Variants in GALNT13 observed in about 807,000 individuals in gnomAD.
GALNT13 encodes polypeptide N-acetylgalactosaminyltransferase 13.
GALNT13 carries 28 observed loss-of-function variants against 64.2 expected under a neutral mutation model. That is an observed-to-expected ratio of 0.44 (90% CI 0.32 to 0.60). The LOEUF (loss-of-function observed/expected upper bound fraction) is 0.60, where lower values mean the gene tolerates loss of function less well. Ranked by LOEUF, GALNT13 falls within the 20% of genes least tolerant of loss-of-function variation. The pLI, the probability that GALNT13 is intolerant of heterozygous loss-of-function variation, is 0.05. For missense variants in GALNT13, 577 were observed against 669.8 expected, an observed-to-expected ratio of 0.86 and a Z score of 1.53; for synonymous variants, 214 against 224.6, an observed-to-expected ratio of 0.95 and a Z score of 0.42.
rs190658201 is a variant in GALNT13 at position 154,409,833 on chromosome 2, C to T, written c.1395+751C>T. Among the ~76,000 whole-genome samples, 387 of 151,866 alleles carry T rather than the reference C, an allele frequency of 2.5e-3. 1 individual carries two copies. Among genetic ancestry groups the T allele is most frequent in the Non-Finnish European group, 4.6e-3 (309 of 67,852 alleles). On this transcript the variant is annotated intron_variant, in intron 11 of 12. Coordinates refer to ENST00000392825, the MANE Select transcript of GALNT13 (RefSeq NM_052917.4). Reference sequence around the variant, plus strand: ...GTAGAATTTCTGAGTTAGTGTGAACCGAGGTTGCAAAAGTTATCCTGTCCA... The same window carrying T: ...GTAGAATTTCTGAGTTAGTGTGAACTGAGGTTGCAAAAGTTATCCTGTCCA...
the GALNT13 span, among the ~76,000 whole-genome samples, chr2:153,097,555 G>A: frequency 3.3e-5 from 5 of 152,066 alleles, no homozygotes; most frequent in Admixed American, 6.5e-5. Context: ...TTTCTTAAAG[G>A]TGCACTATCT....
the GALNT13 span, among the ~76,000 whole-genome samples, chr2:153,211,317 T>C: frequency 4.6e-5 from 7 of 151,998 alleles, no homozygotes; most frequent in African/African-American, 1.7e-4. Context: ...TAATTTTTTG[T>C]ATTTTAGTAG....
chr2:153,773,745 T>A, the GALNT13 span, among the ~76,000 whole-genome samples: 1 of 152,196 alleles, frequency 6.6e-6, no homozygotes, highest in African/African-American at 2.4e-5. Flanking sequence ...AATGGCATCA[T>A]AATAGGCTGT....
At chr2:153,738,907 G>A in the GALNT13 span, among the ~76,000 whole-genome samples, 1 of 151,724 alleles carries the variant, frequency 6.6e-6, no homozygotes, top group Non-Finnish European at 1.5e-5. Context: ...GTAGAGCCAA[G>A]TCAAAAGAAT....
intron 8 of GALNT13, among the ~76,000 whole-genome samples, chr2:154,279,961 A>G (rs1282223306): frequency 6.6e-6 from 1 of 152,098 alleles, no homozygotes; most frequent in African/African-American, 2.4e-5. Flanking sequence ...TGCCTGTAAG[A>G]TGAGTTTTGA....
chr2:154,052,053 G>A lies in GALNT13; in HGVS notation c.143-88284G>A, dbSNP rs143024683. Among the ~76,000 whole-genome samples, 115 of 151,922 alleles carry A rather than the reference G, an allele frequency of 7.6e-4. 3 individuals carry two copies. In the East Asian group the frequency reaches 0.017, roughly 23 times the overall value. ...CTCCTCTGCTCATGTAAACATTTCA[G>A]CTCCCCAAATTCAACCTGACTGCTT... On this transcript the variant is annotated intron_variant, in intron 3 of 12. Coordinates refer to ENST00000392825, the MANE Select transcript of GALNT13 (RefSeq NM_052917.4).
At chr2:154,109,424 T>C (rs976747969) in intron 3 of GALNT13, among the ~76,000 whole-genome samples, 1 of 152,118 alleles carries the variant, frequency 6.6e-6, no homozygotes, top group African/African-American at 2.4e-5. Context: ...TCAGCAAATA[T>C]CAACAATTTT....
At chr2:153,511,276 C>T in the GALNT13 span, among the ~76,000 whole-genome samples, 2 of 149,876 alleles carry the variant, frequency 1.3e-5, no homozygotes, top group Admixed American at 1.3e-4. Flanking sequence ...GAGTTGGGGT[C>T]CACTGCAAAA....
chr2:153,107,937 C>G, the GALNT13 span, among the ~76,000 whole-genome samples: 5,736 of 152,214 alleles, frequency 0.038, 158 homozygotes, highest in Middle Eastern at 0.11. Context: ...CATATCATTT[C>G]CAAAAGAACA....
At chr2:154,146,052 G>A (rs1177267690) in intron 4 of GALNT13, among the ~76,000 whole-genome samples, 1 of 151,672 alleles carries the variant, frequency 6.6e-6, no homozygotes, top group Non-Finnish European at 1.5e-5. Context: ...GTGCTCATGT[G>A]TAGAATTAAT....
At chr2:154,039,063 A>G (rs1330174600) in intron 3 of GALNT13, among the ~76,000 whole-genome samples, 6 of 152,134 alleles carry the variant, frequency 3.9e-5, no homozygotes, top group Non-Finnish European at 8.8e-5. Context: ...ATGAGGTATC[A>G]CCTAACCTCA....
chr2:153,220,935 A>G, the GALNT13 span, among the ~76,000 whole-genome samples: 5 of 152,210 alleles, frequency 3.3e-5, no homozygotes, highest in Admixed American at 3.3e-4. Context: ...GCTAAACGAT[A>G]AGAATACATG....
chr2:154,363,539 T>C (rs1451497833), intron 9 of GALNT13, among the ~76,000 whole-genome samples: 1 of 152,180 alleles, frequency 6.6e-6, no homozygotes, highest in Non-Finnish European at 1.5e-5. Flanking sequence ...TGACCCATTA[T>C]GGTGATGAAA....
At chr2:153,868,098 TTTC>T (rs764215150), upstream of GALNT13, among the ~76,000 whole-genome samples, 2 of 152,138 alleles carry the variant, frequency 1.3e-5, no homozygotes, top group East Asian at 1.9e-4. Context: ...TGCTAGGCAT[TTTC>T]TTCTTCTCAC....
chr2:153,360,898 C>A, the GALNT13 span, among the ~76,000 whole-genome samples: 1 of 152,160 alleles, frequency 6.6e-6, no homozygotes, highest in Non-Finnish European at 1.5e-5. Flanking sequence ...ATGGCTTTTG[C>A]TCCCTTTGCC....
chr2:153,628,982 C>G, the GALNT13 span, among the ~76,000 whole-genome samples: 1 of 151,918 alleles, frequency 6.6e-6, no homozygotes, highest in African/African-American at 2.4e-5. Flanking sequence ...GTCCTGGACT[C>G]TTTTTGGTTG....
At chr2:153,491,644 G>C in the GALNT13 span, among the ~76,000 whole-genome samples, 3 of 145,006 alleles carry the variant, frequency 2.1e-5, no homozygotes, top group Non-Finnish European at 4.5e-5. Flanking sequence ...TTCTTCAGAC[G>C]GAGTCTCGCT....
At chr2:153,434,975 A>C in the GALNT13 span, among the ~76,000 whole-genome samples, 1 of 152,170 alleles carries the variant, frequency 6.6e-6, no homozygotes, top group Non-Finnish European at 1.5e-5. Flanking sequence ...CTAACCTGTA[A>C]GTCTTTAATC....
At chr2:154,374,099 C>A (rs187160274) in intron 9 of GALNT13, among the ~76,000 whole-genome samples, 408 of 152,292 alleles carry the variant, frequency 2.7e-3, no homozygotes, top group Non-Finnish European at 4.1e-3. Flanking sequence ...TTTCTTCCTT[C>A]TTCACTCTTG....
Sources: gnomAD v4.1 joint callset for allele counts (sites outside exome capture counted in the v4.1 genomes callset) on GRCh38, gnomAD v4.1.1 for gene constraint, MANE v1.5 for transcripts, NCBI Gene and HGNC (gene_info 2026-07-23, HGNC 2026-07-21) for gene names.